The following RYR3 variants were observed in gnomAD, a reference collection of about 807,000 sequenced individuals.
RYR3 encodes the protein ryanodine receptor 3.
A neutral mutation model predicts 584.3 loss-of-function variants in RYR3; 207 were observed. That is an observed-to-expected ratio of 0.35 (90% CI 0.32 to 0.40). The LOEUF (loss-of-function observed/expected upper bound fraction) is 0.40. Among genes scored for constraint, RYR3 ranks in the 10% least tolerant of loss-of-function variants. The probability of loss-of-function intolerance (pLI) is 1.00; values close to 1 mark genes in which losing one functional copy is unlikely to be tolerated. For missense variants in RYR3, 5,616 were observed against 6,089.2 expected (o/e 0.92, Z 2.59); for synonymous variants, 2,416 against 2,248.5 (o/e 1.07, Z -2.11).
chr15:33,857,912 A>T lies in RYR3; in HGVS notation c.14140A>T (p.Thr4714Ser). 1 of 1,613,872 alleles carries T rather than the reference A, an allele frequency of 6.2e-7. No homozygotes were observed. The highest frequency in any genetic ancestry group is 8.5e-7 in the Non-Finnish European group (1 of 1,179,976). The change falls in exon 99 of 104, where the codon ACG (threonine) becomes TCG (serine). Residue 4714 changes from threonine to serine, a missense_variant and splice_region_variant. Thr to Ser is a moderately conservative substitution (Grantham distance 58, BLOSUM62 1). This residue lies in a region of RYR3 where 918 missense variants were observed against 887.4 expected (regional missense o/e 1.03). Transcript: ENST00000634891. ...EPDMKCDDMMTCYLFHMYVGV... is the reference protein window; with the variant it reads ...EPDMKCDDMMSCYLFHMYVGV... ...CGATATGAAGTGCGACGACATGATG[A>T]CGGTGAGAGCCCACCCACTGCGGGG...
Position 33,662,627 on chromosome 15 carries a change from G to A in RYR3, c.5097G>A (p.Leu1699=). 4.3e-6 allele frequency: 7 copies of A among 1,614,060 alleles called. No individual in the cohort carries two copies. The change falls in exon 35 of 104, where the codon CTG becomes CTA. Residue 1699 remains leucine, a synonymous_variant. Transcript: ENST00000634891. ...ESLRTKALSM[L]TEAVQCSGAH... is the part of the protein sequence containing the mutation. ...TCAGGACGAAGGCTCTGAGTATGCTGACAGAGGCAGTGCAGTGCAGCGGGG... is the reference window on the plus strand; with the variant it reads ...TCAGGACGAAGGCTCTGAGTATGCTAACAGAGGCAGTGCAGTGCAGCGGGG...
intron 2 of RYR3, among the ~76,000 whole-genome samples, chr15:33,481,478 CT>C (rs34269008): frequency 0.67 from 100,269 of 150,296 alleles, 35,170 homozygotes; most frequent in African/African-American, 0.92. Context: ...TTTTTGAATA[CT>C]TTTTTTTTTG....
rs56206846 is a variant in RYR3 at position 33,671,805 on chromosome 15, C to CTT, written c.5860+1272_5860+1273dup. 7.1e-3 allele frequency among the ~76,000 whole-genome samples: 573 copies of CTT among 80,268 alleles called. 22 individuals carry two copies. The highest frequency in any genetic ancestry group is 0.029 in the South Asian group (56 of 1,944). The allele number at this position is 80,268 out of a possible 152,430, so 52.7% of individuals were successfully genotyped here. ...GTTGCTTCTTTCCCACCTTCTTTTTCTTTTTTTTTTTTTTTTTTTTTTTTC... is the reference window on the plus strand; with the variant it reads ...GTTGCTTCTTTCCCACCTTCTTTTTCTTTTTTTTTTTTTTTTTTTTTTTTTTC... On this transcript the variant is annotated intron_variant, in intron 38 of 103. Coordinates refer to ENST00000634891, the MANE Select transcript of RYR3 (RefSeq NM_001036.6).
intron 65 of RYR3, among the ~76,000 whole-genome samples, chr15:33,783,506 A>G (rs1457382577): frequency 6.6e-6 from 1 of 152,216 alleles, no homozygotes; most frequent in Non-Finnish European, 1.5e-5. Flanking sequence ...TAACTTTTAA[A>G]GGTCATTATA....
At chr15:33,374,562 A>G (rs991354502) in intron 1 of RYR3, among the ~76,000 whole-genome samples, 2 of 152,190 alleles carry the variant, frequency 1.3e-5, no homozygotes, top group African/African-American at 4.8e-5. Flanking sequence ...AATTGCACCA[A>G]GAAAATTTCC....
In RYR3 at chr15:33,772,042, G is replaced by A. The variant is rs200346049; in HGVS notation, c.8939G>A (p.Arg2980Gln). 1.9e-5 allele frequency: 31 copies of A among 1,613,488 alleles called. No individual in the cohort carries two copies. Among genetic ancestry groups the A allele is most frequent in the Middle Eastern group, 3.3e-4 (2 of 6,062 alleles). ...NLKLGKFTHSRTQIKGVSQNI... is the reference protein window; with the variant it reads ...NLKLGKFTHSQTQIKGVSQNI... Reference sequence around the variant, plus strand: ...AAACTTGGGAAGTTCACCCATTCCCGAACGCAGATTAAAGGCGTTTCTCAG... The same window carrying A: ...AAACTTGGGAAGTTCACCCATTCCCAAACGCAGATTAAAGGCGTTTCTCAG... Residue 2980 changes from arginine (R) to glutamine (Q), a missense_variant, in exon 63 of 104, where the codon CGA (arginine) becomes CAA (glutamine). Arg to Gln is a conservative substitution (Grantham distance 43, BLOSUM62 1). Transcript: ENST00000634891.
rs761589027 is a variant in RYR3 at position 33,403,647 on chromosome 15, AAATT to A, written c.52-69768_52-69765del. Among the ~76,000 whole-genome samples the A allele has an allele frequency of 3.3e-5, 5 of 152,378 alleles. No homozygotes were observed. The East Asian group carries it at 7.7e-4, about 23-fold the overall frequency. On this transcript the variant is annotated intron_variant, in intron 1 of 103. Transcript: ENST00000634891. ...GTAAACATGTATGATTCATTAATCT[AAATT>A]AATGTAATTTTAGAAAACATAAAAT... is the stretch of plus-strand genomic sequence containing the variant.
At chr15:33,756,524 G>C (rs2071850427) in intron 59 of RYR3, among the ~76,000 whole-genome samples, 151 bp downstream of exon 59, 1 of 150,240 alleles carries the variant, frequency 6.7e-6, no homozygotes, top group Admixed American at 6.6e-5. Context: ...AGTCCCAAGG[G>C]AGGCTGGCAG....
intron 1 of RYR3, among the ~76,000 whole-genome samples, chr15:33,413,060 CA>C (rs1425743563): frequency 2.0e-5 from 3 of 152,196 alleles, no homozygotes; most frequent in African/African-American, 7.2e-5. Context: ...GATATTATTT[CA>C]TGGATAAAAT....
At chr15:33,536,683 T>C (rs2055358392) in intron 5 of RYR3, among the ~76,000 whole-genome samples, 1 of 152,330 alleles carries the variant, frequency 6.6e-6, no homozygotes, top group Middle Eastern at 3.4e-3. Context: ...CCTTCAAATG[T>C]AGAGCTCAAC....
chr15:33,689,417 A>G lies in RYR3; in HGVS notation c.5861-6801A>G, dbSNP rs2152753416. Among the ~76,000 whole-genome samples the G allele has an allele frequency of 2.0e-5, 3 of 152,274 alleles. 1 individual carries two copies. Among genetic ancestry groups the G allele is most frequent in the Admixed American group, 2.0e-4 (3 of 15,296 alleles). On this transcript the variant is annotated intron_variant, in intron 38 of 103. Transcript: ENST00000634891. ...CAGCATTCTCCCATGGATACTATAT[A>G]TATATGTACACACACATGCACACAT...
chr15:33,582,301 C>CT (rs1353836040), intron 14 of RYR3, among the ~76,000 whole-genome samples: 3 of 152,120 alleles, frequency 2.0e-5, no homozygotes, highest in Non-Finnish European at 4.4e-5. Flanking sequence ...TAAGCTAGTA[C>CT]TTTAGGGCTT....
At chr15:33,585,668 T>G (rs993548861) in intron 15 of RYR3, among the ~76,000 whole-genome samples, 1 of 152,218 alleles carries the variant, frequency 6.6e-6, no homozygotes, top group African/African-American at 2.4e-5. Context: ...AAATGAAGTA[T>G]TATGTGGTTT....
intron 18 of RYR3, among the ~76,000 whole-genome samples, chr15:33,606,307 C>A (rs930111621): frequency 6.6e-6 from 1 of 152,170 alleles, no homozygotes; most frequent in African/African-American, 2.4e-5. Context: ...GAGCTACCTT[C>A]CATCGTCATC....
intron 1 of RYR3, among the ~76,000 whole-genome samples, chr15:33,320,106 C>T (rs1390563766): frequency 1.3e-5 from 2 of 152,176 alleles, no homozygotes; most frequent in African/African-American, 4.8e-5. Context: ...TGTGCAGCTG[C>T]AAATAAGCAC....
intron 1 of RYR3, among the ~76,000 whole-genome samples, chr15:33,413,039 G>A (rs536338640): frequency 6.6e-6 from 1 of 152,316 alleles, no homozygotes; most frequent in South Asian, 2.1e-4. Flanking sequence ...TTAGGATGAT[G>A]TAATTCCAAG....
chr15:33,798,366 C>T (rs747041718), intron 67 of RYR3, among the ~76,000 whole-genome samples: 5 of 152,204 alleles, frequency 3.3e-5, no homozygotes, highest in Non-Finnish European at 7.3e-5. Flanking sequence ...GCTGGGATTA[C>T]AGGTGTGAGC....
chr15:33,314,723 G>T (rs1359390502), intron 1 of RYR3, among the ~76,000 whole-genome samples: 1 of 150,868 alleles, frequency 6.6e-6, no homozygotes, highest in African/African-American at 2.4e-5. Context: ...GACCATCCTG[G>T]CTAACACGGT....
chr15:33,536,489 G>A (rs2055339109), intron 5 of RYR3, among the ~76,000 whole-genome samples: 1 of 152,132 alleles, frequency 6.6e-6, no homozygotes, highest in South Asian at 2.1e-4. Context: ...GTGTTATTTT[G>A]TATTTTACGG....
Sources: allele counts gnomAD v4.1 joint callset (sites outside exome capture counted in the v4.1 genomes callset), GRCh38; gene constraint gnomAD v4.1.1; regional missense constraint gnomAD v4.1.1; transcripts MANE v1.5; gene names NCBI Gene and HGNC (gene_info 2026-07-23, HGNC 2026-07-21).